Variants in RYK observed in about 807,000 individuals in gnomAD.
The protein encoded by RYK is receptor like tyrosine kinase, also known as inactive tyrosine-protein kinase RYK.
RYK carries 21 observed loss-of-function variants against 70.2 expected under a neutral mutation model. The observed-to-expected ratio is 0.30, with a 90% CI of 0.21 to 0.43. RYK has a LOEUF of 0.43. Among genes scored for constraint, RYK ranks in the 20% least tolerant of loss-of-function variants. The probability of loss-of-function intolerance (pLI) is 1.00; values close to 1 mark genes in which losing one functional copy is unlikely to be tolerated. For missense variants in RYK, 604 were observed against 753.3 expected (o/e 0.80, Z 2.32); for synonymous variants, 267 against 278.0 (o/e 0.96, Z 0.39).
intron 6 of RYK, 143 bp downstream of exon 6, chr3:134,202,587 T>C: frequency 1.7e-6 from 1 of 606,046 alleles, no homozygotes; most frequent in Non-Finnish European, 2.8e-6. Flanking sequence ...AGACAGTGAT[T>C]AGGTCATCTT....
At chr3:134,188,694 A>C (rs974592958) in intron 9 of RYK, 143 bp downstream of exon 9, 8 of 560,854 alleles carry the variant, frequency 1.4e-5, no homozygotes, top group Admixed American at 3.7e-5. Context: ...GGCTCATATA[A>C]GACAATTTTT....
chr3:134,238,600 G>A (rs1486037856), intron 1 of RYK, among the ~76,000 whole-genome samples: 1 of 152,162 alleles, frequency 6.6e-6, no homozygotes, highest in African/African-American at 2.4e-5. Context: ...GGAAAAGCCA[G>A]GAATCTGCAG....
chr3:134,213,278 G>GT (rs2014456274), intron 2 of RYK, among the ~76,000 whole-genome samples: 2 of 152,312 alleles, frequency 1.3e-5, no homozygotes, highest in East Asian at 3.9e-4. Flanking sequence ...ATGAGACCAT[G>GT]TGACTCTTAG....
intron 7 of RYK, among the ~76,000 whole-genome samples, chr3:134,194,174 T>A (rs1416248196): frequency 2.0e-5 from 3 of 152,244 alleles, no homozygotes; most frequent in African/African-American, 7.2e-5. Context: ...AAAAATTTTC[T>A]CTCATCCACC....
chr3:134,243,631 A>T (rs1200669756), intron 1 of RYK, among the ~76,000 whole-genome samples: 1 of 152,124 alleles, frequency 6.6e-6, no homozygotes, highest in East Asian at 1.9e-4. Context: ...AATTTCACAC[A>T]GCTGCTTCCA....
At position 134,175,645 on chromosome 3, in the gene RYK, A is replaced by T; in HGVS notation, c.1539T>A (p.Ser513Arg). ...CGCTAGAGAACTCGTTATTAACCAGACTTTCAAGAGCCATCCAACGAACTG... is the reference window on the plus strand; with the variant it reads ...CGCTAGAGAACTCGTTATTAACCAGTCTTTCAAGAGCCATCCAACGAACTG... The part of the protein sequence containing the change: ...NRPVRWMALE[S>R]LVNNEFSSAS... The change falls in exon 13 of 15, where the codon AGT (serine) becomes AGA (arginine). Residue 513 changes from serine (S) to arginine (R), a missense_variant. Ser to Arg is a moderately radical substitution (Grantham distance 110, BLOSUM62 -1). Around this residue, in one of 2 missense-constraint regions of RYK, gnomAD observed 138 missense variants for 217.4 expected, o/e 0.63. Coordinates refer to ENST00000623711, the MANE Select transcript of RYK (RefSeq NM_002958.4). 1 of 1,613,960 alleles carries T rather than the reference A, an allele frequency of 6.2e-7. No homozygotes were observed. The highest frequency in any genetic ancestry group is 8.5e-7 in the Non-Finnish European group (1 of 1,179,878).
At chr3:134,205,380 C>T (rs985445227) in intron 5 of RYK, among the ~76,000 whole-genome samples, 2 of 152,268 alleles carry the variant, frequency 1.3e-5, no homozygotes, top group East Asian at 1.9e-4. Flanking sequence ...AACAGATTAA[C>T]GTAGAGACCA....
intron 5 of RYK, 121 bp from the exon 6 acceptor site, chr3:134,202,995 C>G: frequency 1.3e-6 from 1 of 749,992 alleles, no homozygotes; most frequent in South Asian, 2.0e-5. Context: ...GATCAGTTAC[C>G]AGTAGCATAT....
At chr3:134,180,437 T>G (rs2108155515) in intron 10 of RYK, 2 of 152,284 alleles carry the variant, frequency 1.3e-5, no homozygotes, top group Middle Eastern at 3.4e-3. Context: ...GAAGCAAACA[T>G]GCTGTATTAC....
intron 1 of RYK, among the ~76,000 whole-genome samples, chr3:134,245,062 T>C (rs1221003953): frequency 6.6e-6 from 1 of 152,158 alleles, no homozygotes; most frequent in African/African-American, 2.4e-5. Flanking sequence ...ATCTCTGTTG[T>C]TTACAATCCA....
chr3:134,191,506 A>G (rs1314748371), intron 8 of RYK, among the ~76,000 whole-genome samples: 1 of 152,144 alleles, frequency 6.6e-6, no homozygotes, highest in Non-Finnish European at 1.5e-5. Flanking sequence ...TACAACCCCC[A>G]AGTTATCCGT....
chr3:134,234,307 T>C (rs540204890), intron 1 of RYK, among the ~76,000 whole-genome samples: 1 of 152,184 alleles, frequency 6.6e-6, no homozygotes, highest in African/African-American at 2.4e-5. Flanking sequence ...ATCTTTGGTA[T>C]ATTAATGTTA....
At chr3:134,248,987 T>C (rs1469793501) in intron 1 of RYK, among the ~76,000 whole-genome samples, 1 of 152,106 alleles carries the variant, frequency 6.6e-6, no homozygotes, top group Non-Finnish European at 1.5e-5. Flanking sequence ...TTCTGTCTCC[T>C]ACCTACACCT....
chr3:134,172,695 C>T (rs1411508095), intron 13 of RYK, among the ~76,000 whole-genome samples: 1 of 152,170 alleles, frequency 6.6e-6, no homozygotes, highest in African/African-American at 2.4e-5. Context: ...AAGAATATAA[C>T]CTGCTTTGCA....
chr3:134,165,324 G>C (rs2012623616), intron 13 of RYK, among the ~76,000 whole-genome samples: 1 of 152,120 alleles, frequency 6.6e-6, no homozygotes, highest in Non-Finnish European at 1.5e-5. Flanking sequence ...TCTGCAAATA[G>C]TTACTTTTTT....
chr3:134,223,837 G>A (rs1179435334), intron 1 of RYK, among the ~76,000 whole-genome samples: 1 of 152,142 alleles, frequency 6.6e-6, no homozygotes, highest in Non-Finnish European at 1.5e-5. Context: ...GCACTATGGG[G>A]TCTGAAACCT....
intron 5 of RYK, among the ~76,000 whole-genome samples, chr3:134,206,599 A>G (rs556528397): frequency 4.1e-4 from 62 of 152,198 alleles, no homozygotes; most frequent in Non-Finnish European, 7.3e-4. Context: ...TAATTTTGTT[A>G]TATGTGATAA....
At chr3:134,188,014 A>G (rs929213567) in intron 9 of RYK, among the ~76,000 whole-genome samples, 5 of 152,174 alleles carry the variant, frequency 3.3e-5, no homozygotes, top group Non-Finnish European at 7.4e-5. Flanking sequence ...ATCTTTAATT[A>G]AATAACTTAT....
intron 13 of RYK, among the ~76,000 whole-genome samples, chr3:134,172,951 T>C (rs1576504021): frequency 6.6e-6 from 1 of 152,346 alleles, no homozygotes; most frequent in Admixed American, 6.5e-5. Context: ...CAGGTTGTCA[T>C]TCAGTGTTAG....
Sources: allele counts gnomAD v4.1 joint callset (sites outside exome capture counted in the v4.1 genomes callset), GRCh38; gene constraint gnomAD v4.1.1; regional missense constraint gnomAD v4.1.1; transcripts MANE v1.5; gene names NCBI Gene and HGNC (gene_info 2026-07-23, HGNC 2026-07-21).